Variants in IGF1R observed in about 807,000 individuals in gnomAD.
IGF1R encodes the protein insulin-like growth factor 1 receptor.
In IGF1R, 44 loss-of-function variants were observed where a neutral mutation model predicts 144.6. The ratio of observed to expected loss-of-function variants is 0.30; its 90% confidence interval spans 0.24 to 0.39. The LOEUF is 0.39. Ranked by LOEUF, IGF1R falls within the 10% of genes least tolerant of loss-of-function variation. The pLI is 1.00. For missense variants in IGF1R, 1,355 were observed against 1,833.7 expected (o/e 0.74, Z 4.77); for synonymous variants, 795 against 722.8 (o/e 1.10, Z -1.60).
chr15:98,698,534 A>G (rs2053651045), intron 1 of IGF1R, among the ~76,000 whole-genome samples: 1 of 152,220 alleles, frequency 6.6e-6, no homozygotes, highest in Non-Finnish European at 1.5e-5. Context: ...CTATGAGCAG[A>G]ATCCGCAGGA....
intron 1 of IGF1R, among the ~76,000 whole-genome samples, chr15:98,690,092 A>G (rs1019503041): frequency 6.6e-6 from 1 of 152,200 alleles, no homozygotes; most frequent in African/African-American, 2.4e-5. Context: ...CTATAATTCC[A>G]GCACTTTGGG....
intron 2 of IGF1R, among the ~76,000 whole-genome samples, chr15:98,812,359 CT>C (rs34851483): frequency 2.6e-3 from 368 of 139,850 alleles, no homozygotes; most frequent in Admixed American, 2.7e-3. Flanking sequence ...CTTGAAAAAG[CT>C]TTTTTTTTTT....
At position 98,891,546 on chromosome 15, in the gene IGF1R, G is replaced by A. The variant is rs774791538; in HGVS notation, c.862G>A (p.Ala288Thr). The change falls in exon 3 of 21, where the codon GCC becomes ACC. Residue 288 changes from alanine to threonine, a missense_variant. Transcript: ENST00000650285. This position sits in a 1 kb window ranked among gnomAD's most constrained non-coding sequence, Gnocchi z 4.7. Reference protein sequence around the residue: ...DRDFCANILSAESSDSEGFVI... With the variant: ...DRDFCANILSTESSDSEGFVI... ...TGACTTCTGCGCCAACATCCTCAGC[G>A]CCGAGAGCAGCGACTCCGAGGGGTT... 7.4e-6 allele frequency: 12 copies of A among 1,611,192 alleles called. No individual in the cohort carries two copies. Among genetic ancestry groups the A allele is most frequent in the South Asian group, 5.5e-5 (5 of 91,088 alleles).
At chr15:98,651,086 G>A (rs950044283) in intron 1 of IGF1R, 52 of 984,792 alleles carry the variant, frequency 5.3e-5, no homozygotes, top group Non-Finnish European at 6.1e-5. Flanking sequence ...GTGTTGGTGA[G>A]TAATGGTTGC....
At chr15:98,929,927 C>T (rs569435125) in intron 14 of IGF1R, among the ~76,000 whole-genome samples, 3 of 152,332 alleles carry the variant, frequency 2.0e-5, no homozygotes, top group South Asian at 2.1e-4. Flanking sequence ...TTTCCAAACG[C>T]GATGCGCTAG....
intron 6 of IGF1R, 23 bp from the exon 7 acceptor site, chr15:98,911,292 C>G: frequency 6.2e-7 from 1 of 1,614,002 alleles, no homozygotes; most frequent in Non-Finnish European, 8.5e-7. Flanking sequence ...CTCTGTCACT[C>G]ACGGATGTAC....
chr15:98,963,601 CTT>C lies in IGF1R; in HGVS notation c.*6160_*6161del. 4.3e-6 allele frequency: 1 copy of C among 233,282 alleles called. No individual in the cohort carries two copies. Among genetic ancestry groups the C allele is most frequent in the East Asian group, 6.0e-5 (1 of 16,590 alleles). The allele number at this position is 233,282 out of a possible 1,614,324, so 14.5% of individuals were successfully genotyped here. On this transcript the variant is annotated 3_prime_UTR_variant, in exon 21 of 21. Coordinates refer to ENST00000650285, the MANE Select transcript of IGF1R (RefSeq NM_000875.5). ...GCACAGTGCCATGGACATGGGAAGA[CTT>C]GACTGCACAGCCAATGGTTTTCATG...
intron 1 of IGF1R, among the ~76,000 whole-genome samples, chr15:98,685,500 C>T (rs1451495349): frequency 1.3e-5 from 2 of 152,168 alleles, no homozygotes; most frequent in African/African-American, 2.4e-5. Context: ...CATCAGTCTC[C>T]TCCAGCCCAC....
At chr15:98,794,496 T>A (rs901052405) in intron 2 of IGF1R, among the ~76,000 whole-genome samples, 1 of 152,202 alleles carries the variant, frequency 6.6e-6, no homozygotes, top group African/African-American at 2.4e-5. Context: ...GTTAACAGCA[T>A]CATGATTCTC....
intron 1 of IGF1R, among the ~76,000 whole-genome samples, chr15:98,696,271 A>G (rs1052611807): frequency 5.9e-5 from 9 of 152,180 alleles, no homozygotes; most frequent in African/African-American, 2.2e-4. Flanking sequence ...TTTGAATTAG[A>G]TAAACATTTT....
At chr15:98,767,803 C>T (rs901672705) in intron 2 of IGF1R, among the ~76,000 whole-genome samples, 1 of 152,172 alleles carries the variant, frequency 6.6e-6, no homozygotes. Context: ...CTTCCACCTC[C>T]TGCTGGTGCC....
At chr15:98,763,568 A>G (rs1772924365) in intron 2 of IGF1R, among the ~76,000 whole-genome samples, 1 of 151,912 alleles carries the variant, frequency 6.6e-6, no homozygotes, top group Admixed American at 6.6e-5. Context: ...GAGGCATTGT[A>G]AACCGTGTTA....
chr15:98,799,655 G>T (rs1258431924), intron 2 of IGF1R, among the ~76,000 whole-genome samples: 1 of 152,154 alleles, frequency 6.6e-6, no homozygotes, highest in Non-Finnish European at 1.5e-5. Flanking sequence ...GACCGAGTGT[G>T]GTAGAAAGGA....
chr15:98,659,498 C>T (rs2052554794), intron 1 of IGF1R, among the ~76,000 whole-genome samples: 1 of 152,174 alleles, frequency 6.6e-6, no homozygotes, highest in South Asian at 2.1e-4. Flanking sequence ...CTCTGGCTTG[C>T]TTCCTGGGGA....
chr15:98,775,685 G>A (rs1035203826), intron 2 of IGF1R, among the ~76,000 whole-genome samples: 2 of 152,182 alleles, frequency 1.3e-5, no homozygotes, highest in Middle Eastern at 3.2e-3. Flanking sequence ...TCCCTGGTCC[G>A]CACTGAAGGA....
At chr15:98,830,581 A>G (rs1458438461) in intron 2 of IGF1R, among the ~76,000 whole-genome samples, 1 of 150,700 alleles carries the variant, frequency 6.6e-6, no homozygotes, top group Non-Finnish European at 1.5e-5. Flanking sequence ...CTGTTCAAGC[A>G]TGGTTCCAAC....
At chr15:98,820,890 C>T (rs1452335896) in intron 2 of IGF1R, 2 of 152,162 alleles carry the variant, frequency 1.3e-5, no homozygotes, top group African/African-American at 4.8e-5. Context: ...CTTTAAGTAT[C>T]GCAAGGCCCC....
intron 2 of IGF1R, among the ~76,000 whole-genome samples, chr15:98,832,167 A>G (rs1446749219): frequency 5.3e-5 from 8 of 151,838 alleles, no homozygotes; most frequent in Non-Finnish European, 7.4e-5. Flanking sequence ...CTGTCCCTCT[A>G]CTTCTATGTA....
At chr15:98,700,858 A>G (rs969405201) in intron 1 of IGF1R, among the ~76,000 whole-genome samples, 2 of 151,974 alleles carry the variant, frequency 1.3e-5, no homozygotes, top group African/African-American at 4.8e-5. Flanking sequence ...CTCCTCGGAG[A>G]TAGGGAGTTG....
Sources: gnomAD v4.1 joint callset for allele counts (sites outside exome capture counted in the v4.1 genomes callset) on GRCh38, gnomAD v4.1.1 for gene constraint, Gnocchi (gnomAD v3.1) non-coding constraint, MANE v1.5 for transcripts, NCBI Gene and HGNC (gene_info 2026-07-23, HGNC 2026-07-21) for gene names.